Variants in PDE3B observed in about 807,000 individuals in gnomAD.
PDE3B encodes the protein phosphodiesterase 3B, also known as cGMP-inhibited 3',5'-cyclic phosphodiesterase 3B.
A neutral mutation model predicts 116.8 loss-of-function variants in PDE3B; 66 were observed. That is an observed-to-expected ratio of 0.56 (90% CI 0.46 to 0.69). The LOEUF is 0.69. Ranked by LOEUF, PDE3B falls within the 30% of genes least tolerant of loss-of-function variation. PDE3B has a pLI of 0.00. For missense variants in PDE3B, 1,384 were observed against 1,368.1 expected, an observed-to-expected ratio of 1.01 and a Z score of -0.18; for synonymous variants, 595 against 533.6, an observed-to-expected ratio of 1.12 and a Z score of -1.59.
intron 1 of PDE3B, among the ~76,000 whole-genome samples, chr11:14,747,853 A>G (rs1856957295): frequency 1.3e-5 from 2 of 152,222 alleles, no homozygotes; most frequent in African/African-American, 4.8e-5. Flanking sequence ...GGTGTTTCAT[A>G]AATACCTTGT....
intron 4 of PDE3B, among the ~76,000 whole-genome samples, chr11:14,800,076 C>T (rs1858701119): frequency 6.6e-6 from 1 of 152,112 alleles, no homozygotes; most frequent in African/African-American, 2.4e-5. Flanking sequence ...CTGGTTGTTC[C>T]TTTCCATGTT....
At chr11:14,823,635 C>G (rs1859589234) in intron 7 of PDE3B, among the ~76,000 whole-genome samples, 2 of 152,080 alleles carry the variant, frequency 1.3e-5, no homozygotes, top group Admixed American at 1.3e-4. Flanking sequence ...GCAGCAGTTT[C>G]AAACCTCCCT....
chr11:14,847,728 G>C, intron 12 of PDE3B, among the ~76,000 whole-genome samples: 1 of 152,182 alleles, frequency 6.6e-6, no homozygotes, highest in East Asian at 1.9e-4. Context: ...AAATAAACTA[G>C]AAAATCTAGA....
chr11:14,847,749 A>G (rs1565163208), intron 12 of PDE3B, among the ~76,000 whole-genome samples: 2 of 152,232 alleles, frequency 1.3e-5, no homozygotes, highest in Admixed American at 1.3e-4. Flanking sequence ...AGAAATGGAT[A>G]CATTCCTCGA....
At chr11:14,824,924 T>G (rs1182251036) in intron 7 of PDE3B, among the ~76,000 whole-genome samples, 2 of 151,758 alleles carry the variant, frequency 1.3e-5, no homozygotes, top group East Asian at 3.9e-4. Context: ...AGGCTAACAG[T>G]GGACATCTCA....
intron 1 of PDE3B, among the ~76,000 whole-genome samples, chr11:14,677,998 G>A (rs1291550368): frequency 3.3e-5 from 5 of 152,082 alleles, no homozygotes; most frequent in Admixed American, 6.6e-5. Flanking sequence ...ACACGATCTC[G>A]GCTCACTGCA....
At chr11:14,879,204 A>C in the PDE3B span, 2 of 1,613,342 alleles carry the variant, frequency 1.2e-6, no homozygotes, top group Non-Finnish European at 1.7e-6. Flanking sequence ...GGGTCTCTCC[A>C]GTACTTTTCA....
intron 5 of PDE3B, among the ~76,000 whole-genome samples, chr11:14,815,938 T>TACACACACACACAC (rs35596025): frequency 2.6e-4 from 38 of 146,232 alleles, no homozygotes; most frequent in South Asian, 1.6e-3. Flanking sequence ...ATTATATTTA[T>TACACACACACACAC]ACACACACAC....
At chr11:14,808,038 C>T (rs922276301) in intron 5 of PDE3B, among the ~76,000 whole-genome samples, 12 of 146,450 alleles carry the variant, frequency 8.2e-5, no homozygotes, top group Non-Finnish European at 1.0e-4. Flanking sequence ...TGAGCCTGGA[C>T]GACAAAGCGA....
chr11:14,681,899 A>C (rs1358698776), intron 1 of PDE3B, among the ~76,000 whole-genome samples: 3 of 152,132 alleles, frequency 2.0e-5, no homozygotes, highest in Admixed American at 1.3e-4. Context: ...AAAATCTACA[A>C]ATAACTTTTG....
At chr11:14,853,224 T>G (rs1325964705) in intron 12 of PDE3B, among the ~76,000 whole-genome samples, 3 of 152,230 alleles carry the variant, frequency 2.0e-5, no homozygotes, top group Non-Finnish European at 4.4e-5. Context: ...CTGCTTTTTT[T>G]CCATTGCAGT....
chr11:14,671,133 G>T (rs1239551719), intron 1 of PDE3B, among the ~76,000 whole-genome samples: 2 of 152,060 alleles, frequency 1.3e-5, no homozygotes, highest in Non-Finnish European at 1.5e-5. Flanking sequence ...TTAGCAGAGG[G>T]AAATAGAAAG....
chr11:14,714,754 G>C (rs1327372476), intron 1 of PDE3B, among the ~76,000 whole-genome samples: 1 of 151,970 alleles, frequency 6.6e-6, no homozygotes, highest in Non-Finnish European at 1.5e-5. Context: ...GGCTAGTGTG[G>C]CTGAAAAATG....
intron 4 of PDE3B, among the ~76,000 whole-genome samples, chr11:14,799,619 T>C (rs780793519): frequency 2.0e-5 from 3 of 152,194 alleles, no homozygotes; most frequent in East Asian, 3.8e-4. Flanking sequence ...GGTGCTCTTA[T>C]ATTGGGTACA....
the PDE3B span, among the ~76,000 whole-genome samples, chr11:14,882,607 G>T: frequency 9.9e-5 from 15 of 152,240 alleles, no homozygotes; most frequent in East Asian, 2.7e-3. Flanking sequence ...TAGTGGCCAT[G>T]ATTTTCTACT....
intron 1 of PDE3B, among the ~76,000 whole-genome samples, chr11:14,760,281 C>G (rs937084435): frequency 2.6e-5 from 4 of 152,114 alleles, no homozygotes; most frequent in Admixed American, 2.0e-4. Context: ...TTCATAGATT[C>G]TATAACCAAA....
At chr11:14,645,479 C>CT (rs1444337403) in intron 1 of PDE3B, among the ~76,000 whole-genome samples, 5 of 152,096 alleles carry the variant, frequency 3.3e-5, no homozygotes, top group African/African-American at 1.2e-4. Context: ...AACATACAGC[C>CT]TTTAGAATGA....
At chr11:14,746,089 T>A (rs556000989) in intron 1 of PDE3B, among the ~76,000 whole-genome samples, 1 of 152,326 alleles carries the variant, frequency 6.6e-6, no homozygotes, top group South Asian at 2.1e-4. Context: ...ATTGTTGAAA[T>A]GTCTAACGAG....
chr11:14,847,226 G>T (rs1433784675), intron 12 of PDE3B, among the ~76,000 whole-genome samples: 2 of 151,922 alleles, frequency 1.3e-5, no homozygotes, highest in African/African-American at 2.4e-5. Context: ...TGAACAACCT[G>T]CTCCTGAATG....
Sources: gnomAD v4.1 joint callset for allele counts (sites outside exome capture counted in the v4.1 genomes callset) on GRCh38, gnomAD v4.1.1 for gene constraint, MANE v1.5 for transcripts, NCBI Gene and HGNC (gene_info 2026-07-23, HGNC 2026-07-21) for gene names.